CCDC144A: variants seen among roughly 807,000 people sequenced by gnomAD.
CCDC144A encodes the protein coiled-coil domain containing 144A.
Under a neutral mutation model 143.8 loss-of-function variants are expected in CCDC144A, and 41 were observed. The observed-to-expected ratio is 0.29, with a 90% CI of 0.22 to 0.37. CCDC144A has a LOEUF of 0.37. CCDC144A is among the 10% of genes least tolerant of loss of function. CCDC144A has a pLI of 1.00. For synonymous variants in CCDC144A, 242 were observed against 517.9 expected, an observed-to-expected ratio of 0.47 and a Z score of 7.23; for missense variants, 637 against 1,488.8, an observed-to-expected ratio of 0.43 and a Z score of 9.41.
At chr17:16,690,024 G>A (rs1910947685), upstream of CCDC144A, 1 of 162,608 alleles carries the variant, frequency 6.1e-6, no homozygotes, top group Non-Finnish European at 1.3e-5. Flanking sequence ...AGCGCCACCT[G>A]CAGGCCAAGG....
At chr17:16,683,733 G>A in the CCDC144A span, 4 of 1,575,856 alleles carry the variant, frequency 2.5e-6, no homozygotes, top group East Asian at 6.7e-5. Flanking sequence ...GCGACTCCGT[G>A]AGCCACTGGA....
upstream of CCDC144A, chr17:16,690,131 A>T (rs1910954951): frequency 3.2e-6 from 1 of 310,658 alleles, no homozygotes; most frequent in African/African-American, 2.2e-5. Context: ...CAGGCCAAGG[A>T]GTCTTTTTCT....
chr17:16,703,775 G>C (rs1450676971), intron 2 of CCDC144A, among the ~76,000 whole-genome samples: 5 of 152,022 alleles, frequency 3.3e-5, no homozygotes, highest in African/African-American at 9.7e-5. Flanking sequence ...TGCACTCCAG[G>C]CTGGGTGACA....
In CCDC144A at chr17:16,745,821, A is replaced by C. The variant is rs920235695; in HGVS notation, c.3372+10178A>C. Reference sequence around the variant, plus strand: ...GTCGTCACACCTCTGCGCTCTTCCCAGTCTCTCCATGGCCTCCCCCGGAGC... The same window carrying C: ...GTCGTCACACCTCTGCGCTCTTCCCCGTCTCTCCATGGCCTCCCCCGGAGC... On this transcript the variant is annotated intron_variant, in intron 12 of 16. Transcript: ENST00000399273. 9 of 1,608,488 alleles carry C rather than the reference A, an allele frequency of 5.6e-6. No individual in the cohort carries two copies. The African/African-American group carries it at 6.7e-5, about 12-fold the overall frequency.
intron 12 of CCDC144A, among the ~76,000 whole-genome samples, chr17:16,755,472 C>A (rs547263985): frequency 3.9e-3 from 597 of 152,062 alleles, no homozygotes; most frequent in Non-Finnish European, 6.2e-3. Context: ...AGATTGAGGA[C>A]TCCTGTAAGC....
intron 5 of CCDC144A, among the ~76,000 whole-genome samples, chr17:16,711,142 A>AAAAAC (rs1912392876): frequency 7.4e-6 from 1 of 134,940 alleles, no homozygotes; most frequent in African/African-American, 2.7e-5. Flanking sequence ...AAATGAAAAA[A>AAAAAC]AAAAAAAAAA....
intron 12 of CCDC144A, among the ~76,000 whole-genome samples, chr17:16,741,953 G>C (rs999601607): frequency 1.2e-4 from 19 of 152,140 alleles, no homozygotes; most frequent in African/African-American, 4.3e-4. Flanking sequence ...GCCAGGTGTA[G>C]TGGCACACAC....
intron 2 of CCDC144A, among the ~76,000 whole-genome samples, chr17:16,696,837 T>A (rs578127117): frequency 1.3e-5 from 2 of 151,954 alleles, no homozygotes; most frequent in African/African-American, 4.8e-5. Flanking sequence ...TTTTCATGGC[T>A]GACTAATTAG....
At chr17:16,716,384 CT>C (rs1912756692) in intron 6 of CCDC144A, among the ~76,000 whole-genome samples, 1 of 151,670 alleles carries the variant, frequency 6.6e-6, no homozygotes. Flanking sequence ...ATTCCTTAAT[CT>C]TTTTTTGTTC....
intron 9 of CCDC144A, among the ~76,000 whole-genome samples, chr17:16,728,688 G>A (rs1285697548): frequency 6.6e-6 from 1 of 152,046 alleles, no homozygotes; most frequent in African/African-American, 2.4e-5. Context: ...TATCACCCGA[G>A]TAGTACACAT....
At chr17:16,716,982 T>C (rs942901459) in intron 6 of CCDC144A, among the ~76,000 whole-genome samples, 4 of 151,438 alleles carry the variant, frequency 2.6e-5, no homozygotes, top group Non-Finnish European at 4.4e-5. Context: ...CACGGCTAAT[T>C]TTTTGTATTT....
chr17:16,675,740 C>G, the CCDC144A span, among the ~76,000 whole-genome samples: 1 of 151,900 alleles, frequency 6.6e-6, no homozygotes, highest in African/African-American at 2.4e-5. Flanking sequence ...CTTCGTTAAG[C>G]TTAAATTATT....
intron 15 of CCDC144A, chr17:16,765,790 A>G: frequency 6.6e-6 from 1 of 152,214 alleles, no homozygotes; most frequent in Non-Finnish European, 1.5e-5. Context: ...TTCTGAAAAA[A>G]ATGAGATGAT....
chr17:16,766,745 T>TG (rs1199835207), intron 15 of CCDC144A, among the ~76,000 whole-genome samples: 3 of 151,232 alleles, frequency 2.0e-5, no homozygotes, highest in Non-Finnish European at 4.4e-5. Flanking sequence ...ATCTCATGGG[T>TG]GGGGGAAAAA....
chr17:16,749,981 A>G lies in CCDC144A; in HGVS notation c.3373-11444A>G, dbSNP rs138706917. ...ACTCAGAGCCTGTGGGTGCCATTAC[A>G]TGTGAGATGTGTCTTTTGAATATAG... On this transcript the variant is annotated intron_variant, in intron 12 of 16. Coordinates refer to ENST00000399273, the MANE Select transcript of CCDC144A (RefSeq NM_001382000.1). 2.5e-4 allele frequency among the ~76,000 whole-genome samples: 38 copies of G among 152,320 alleles called. 1 individual carries two copies. The highest frequency in any genetic ancestry group is 2.4e-3 in the Admixed American group (37 of 15,304).
rs1269046856 is a variant in CCDC144A at position 16,776,374 on chromosome 17, C to A, written c.*2741C>A. The A allele has an allele frequency of 2.4e-4, 37 of 152,136 alleles. No individual in the cohort carries two copies. The highest frequency in any genetic ancestry group is 8.9e-4 in the African/African-American group (37 of 41,386). The allele number at this position is 152,136 out of a possible 1,614,324, so 9.4% of individuals were successfully genotyped here. On this transcript the variant is annotated 3_prime_UTR_variant, in exon 17 of 17. Coordinates refer to ENST00000399273, the MANE Select transcript of CCDC144A (RefSeq NM_001382000.1). ...CATTTGTTTGTGTCATCTCTGATTT[C>A]TTTGAATAATGGTTTATAGTTATCC...
At chr17:16,708,700 T>C (rs1477948493) in intron 4 of CCDC144A, 96 bp from the exon 5 acceptor site, 3 of 1,453,858 alleles carry the variant, frequency 2.1e-6, no homozygotes, top group Non-Finnish European at 2.9e-6. Context: ...ATACCTGTTA[T>C]TTAAGGACAA....
rs571358509 is a variant in CCDC144A, at chr17:16,700,470, T to TC, written c.416-4678dup. 1.8e-3 allele frequency among the ~76,000 whole-genome samples: 267 copies of TC among 152,198 alleles called. 2 individuals carry two copies. Among genetic ancestry groups the TC allele is most frequent in the African/African-American group, 6.0e-3 (248 of 41,514 alleles). ...AAACAGTTTAGGCACAGTGAGCCAC[T>TC]CCCTTCTTCTAAGTTAGGGAATGCT... On this transcript the variant is annotated intron_variant, in intron 2 of 16. Transcript: ENST00000399273.
chr17:16,700,921 G>A (rs1258120371), intron 2 of CCDC144A, among the ~76,000 whole-genome samples: 1 of 151,954 alleles, frequency 6.6e-6, no homozygotes, highest in Non-Finnish European at 1.5e-5. Context: ...TATTTTCATG[G>A]ATGGACCAGT....
Sources: allele counts gnomAD v4.1 joint callset (sites outside exome capture counted in the v4.1 genomes callset), GRCh38; gene constraint gnomAD v4.1.1; transcripts MANE v1.5; gene names NCBI Gene and HGNC (gene_info 2026-07-23, HGNC 2026-07-21).